Variants in GRM1 observed in about 807,000 individuals in gnomAD.
The protein encoded by GRM1 is metabotropic glutamate receptor 1.
Under a neutral mutation model 90.9 loss-of-function variants are expected in GRM1, and 33 were observed. The observed-to-expected ratio is 0.36, with a 90% CI of 0.28 to 0.49. The LOEUF (loss-of-function observed/expected upper bound fraction) is 0.49, where lower values mean the gene tolerates loss of function less well. Ranked by LOEUF, GRM1 falls within the 20% of genes least tolerant of loss-of-function variation. The pLI, the probability that GRM1 is intolerant of heterozygous loss-of-function variation, is 0.99. For synonymous variants in GRM1, 700 were observed against 613.2 expected, an observed-to-expected ratio of 1.14 and a Z score of -2.09; for missense variants, 1,190 against 1,534.3, an observed-to-expected ratio of 0.78 and a Z score of 3.75.
At chr6:146,280,128 C>T (rs1782513853) in intron 2 of GRM1, among the ~76,000 whole-genome samples, 1 of 152,034 alleles carries the variant, frequency 6.6e-6, no homozygotes, top group Admixed American at 6.6e-5. Flanking sequence ...ATTATGTGCA[C>T]ATTTCTGCCA....
chr6:146,170,986 T>A (rs1583106620), intron 2 of GRM1, among the ~76,000 whole-genome samples: 1 of 152,304 alleles, frequency 6.6e-6, no homozygotes, highest in East Asian at 1.9e-4. Flanking sequence ...GAAGTCTATT[T>A]TTTTGCAGTG....
In GRM1 at chr6:146,399,757, C is replaced by CTT; in HGVS notation, c.2660+59_2660+60insTT. The CTT allele has an allele frequency of 9.4e-7, 1 of 1,064,752 alleles. No individual in the cohort carries two copies. Among genetic ancestry groups the CTT allele is most frequent in the African/African-American group, 1.6e-5 (1 of 62,736 alleles). 66.0% of individuals were successfully genotyped at this position (1,064,752 alleles called of 1,614,324 possible). A position where few individuals can be genotyped will look rare whatever the true frequency, so the allele number is the denominator to read the frequency against. ...TCTTCCTTTCTCTGTCTCTTTCTCTCTCTCTCTCTCTCTCTCTTTCTCTGT... is the reference window on the plus strand; with the variant it reads ...TCTTCCTTTCTCTGTCTCTTTCTCTCTTTCTCTCTCTCTCTCTCTTTCTCTGT... On this transcript the variant is annotated intron_variant, in intron 7 of 7. Coordinates refer to ENST00000282753, the MANE Select transcript of GRM1 (RefSeq NM_001278064.2). The surrounding 1 kb of genome is among the most constrained non-coding windows in gnomAD (Gnocchi z 5.4).
At chr6:146,151,712 G>A (rs1777343132) in intron 1 of GRM1, among the ~76,000 whole-genome samples, 1 of 152,172 alleles carries the variant, frequency 6.6e-6, no homozygotes, top group East Asian at 1.9e-4. Flanking sequence ...AGAACTCAGA[G>A]TTGCAGCCAT....
At chr6:146,128,989 A>G (rs1010277505) in intron 1 of GRM1, among the ~76,000 whole-genome samples, 3 of 152,184 alleles carry the variant, frequency 2.0e-5, no homozygotes, top group African/African-American at 7.2e-5. Flanking sequence ...GGTTTCCAGA[A>G]GCTTAAATGA....
chr6:146,164,651 G>T (rs1334137591), intron 2 of GRM1, among the ~76,000 whole-genome samples: 1 of 152,044 alleles, frequency 6.6e-6, no homozygotes. Flanking sequence ...ATGCCTGCTT[G>T]CCTGGTGAGT....
intron 2 of GRM1, among the ~76,000 whole-genome samples, chr6:146,275,537 C>A (rs1782324890): frequency 6.6e-6 from 1 of 151,996 alleles, no homozygotes; most frequent in East Asian, 1.9e-4. Flanking sequence ...TCTCTCTCTC[C>A]CCCTATCTCT....
intron 2 of GRM1, among the ~76,000 whole-genome samples, chr6:146,282,837 C>T (rs1782623715): frequency 6.6e-6 from 1 of 152,112 alleles, no homozygotes; most frequent in African/African-American, 2.4e-5. Context: ...TAGAGCATTA[C>T]CAGCAGCATA....
At chr6:146,368,333 T>G (rs906848791) in intron 5 of GRM1, among the ~76,000 whole-genome samples, 2 of 151,880 alleles carry the variant, frequency 1.3e-5, no homozygotes, top group African/African-American at 4.8e-5. Flanking sequence ...TCAATTTGAC[T>G]TCTTCCTTTC....
chr6:146,189,805 T>G, intron 2 of GRM1, among the ~76,000 whole-genome samples: 1 of 152,174 alleles, frequency 6.6e-6, no homozygotes, highest in East Asian at 1.9e-4. Flanking sequence ...GACATTGACC[T>G]TCCACCGAGG....
At chr6:146,132,870 G>A (rs1299997500) in intron 1 of GRM1, among the ~76,000 whole-genome samples, 2 of 152,158 alleles carry the variant, frequency 1.3e-5, no homozygotes, top group Non-Finnish European at 2.9e-5. Flanking sequence ...TAGTGCATGG[G>A]ATTTCTTCCA....
At chr6:146,129,635 C>T (rs533780780) in intron 1 of GRM1, among the ~76,000 whole-genome samples, 57 of 152,262 alleles carry the variant, frequency 3.7e-4, no homozygotes, top group African/African-American at 1.3e-3. Flanking sequence ...AGCTAGGCCA[C>T]TCTAAGGCTG....
intron 2 of GRM1, among the ~76,000 whole-genome samples, chr6:146,214,200 CA>C (rs1279557137): frequency 6.6e-6 from 1 of 152,098 alleles, no homozygotes; most frequent in Admixed American, 6.5e-5. Flanking sequence ...TTAATCCAGT[CA>C]AATTGACACC....
intron 1 of GRM1, among the ~76,000 whole-genome samples, chr6:146,035,574 C>T (rs1242259893): frequency 6.6e-6 from 1 of 151,968 alleles, no homozygotes; most frequent in Non-Finnish European, 1.5e-5. Context: ...TCTTTGCAAA[C>T]ACTACTGTAA....
At chr6:146,281,731 T>C (rs906163224) in intron 2 of GRM1, among the ~76,000 whole-genome samples, 2 of 152,208 alleles carry the variant, frequency 1.3e-5, no homozygotes, top group Non-Finnish European at 2.9e-5. Flanking sequence ...AAATATGGCT[T>C]TATTCTTTTC....
intron 5 of GRM1, among the ~76,000 whole-genome samples, chr6:146,372,716 T>A (rs1331217243): frequency 1.3e-5 from 2 of 152,106 alleles, no homozygotes; most frequent in Non-Finnish European, 2.9e-5. Context: ...TTAAAGATGA[T>A]GTCTTTTTCC....
At chr6:146,417,493 G>A (rs1283791550) in intron 7 of GRM1, among the ~76,000 whole-genome samples, 2 of 152,116 alleles carry the variant, frequency 1.3e-5, no homozygotes, top group Non-Finnish European at 2.9e-5. Flanking sequence ...TTAGGACTAT[G>A]GTGATTACAC....
At chr6:146,155,713 G>T (rs1050814670) in intron 1 of GRM1, among the ~76,000 whole-genome samples, 1 of 152,152 alleles carries the variant, frequency 6.6e-6, no homozygotes, top group Non-Finnish European at 1.5e-5. Flanking sequence ...TCCCCCAACA[G>T]AAAAAGATAA....
intron 2 of GRM1, among the ~76,000 whole-genome samples, chr6:146,230,586 A>G (rs1780415309): frequency 6.6e-6 from 1 of 152,164 alleles, no homozygotes; most frequent in Non-Finnish European, 1.5e-5. Flanking sequence ...TGGCACAGCC[A>G]CTTTTAAAGA....
chr6:146,241,003 C>T (rs1042701372), intron 2 of GRM1, among the ~76,000 whole-genome samples: 6 of 152,070 alleles, frequency 3.9e-5, no homozygotes, highest in African/African-American at 9.7e-5. Context: ...AGGAGGGAAA[C>T]CAGCCTGCAG....
Sources: gnomAD v4.1 joint callset for allele counts (sites outside exome capture counted in the v4.1 genomes callset) on GRCh38, gnomAD v4.1.1 for gene constraint, Gnocchi (gnomAD v3.1) non-coding constraint, MANE v1.5 for transcripts, NCBI Gene and HGNC (gene_info 2026-07-23, HGNC 2026-07-21) for gene names.